ADAMTS16: variants seen among roughly 807,000 people sequenced by gnomAD.
ADAMTS16 encodes the protein A disintegrin and metalloproteinase with thrombospondin motifs 16.
ADAMTS16 carries 94 observed loss-of-function variants against 145.8 expected under a neutral mutation model. The observed-to-expected ratio is 0.64, with a 90% CI of 0.55 to 0.77. ADAMTS16 has a LOEUF of 0.77. ADAMTS16 is among the 30% of genes least tolerant of loss of function. The probability of loss-of-function intolerance (pLI) is 0.00; values close to 1 mark genes in which losing one functional copy is unlikely to be tolerated. For synonymous variants in ADAMTS16, 659 were observed against 604.3 expected, an observed-to-expected ratio of 1.09 and a Z score of -1.33; for missense variants, 1,585 against 1,591.5, an observed-to-expected ratio of 1.00 and a Z score of 0.07.
In ADAMTS16 at chr5:5,317,429, T is replaced by C. The variant is rs560208822; in HGVS notation, c.3412-705T>C. On this transcript the variant is annotated intron_variant, in intron 21 of 22. Transcript: ENST00000274181. The surrounding 1 kb of genome is among the most constrained non-coding windows in gnomAD (Gnocchi z 4.5). ...TTATTTTTGAGATGGAGTTTTGCTC[T>C]TGTTGCCCAGGCTGAAGTGCTGTGG... Among the ~76,000 whole-genome samples the C allele has an allele frequency of 6.6e-6, 1 of 152,270 alleles. No homozygotes were observed. Among genetic ancestry groups the C allele is most frequent in the East Asian group, 1.9e-4 (1 of 5,174 alleles).
In ADAMTS16 at chr5:5,237,063, G is replaced by A; in HGVS notation, c.2118G>A (p.Glu706=). Residue 706 remains glutamate (E), a synonymous_variant, in exon 14 of 23, where the codon GAG becomes GAA. Transcript: ENST00000274181. ...NKVKDGTPCS[E]DSRNVCIDGI... The stretch of plus-strand genomic sequence containing the variant: ...TCAAAGATGGGACTCCATGCTCGGA[G>A]GATAGCCGTAATGTTTGTATAGATG... 1 of 1,614,078 alleles carries A rather than the reference G, an allele frequency of 6.2e-7. No homozygotes were observed. The highest frequency in any genetic ancestry group is 1.1e-5 in the South Asian group (1 of 91,082).
chr5:5,235,624 A>G (rs1179810532), intron 13 of ADAMTS16, among the ~76,000 whole-genome samples: 3 of 152,228 alleles, frequency 2.0e-5, no homozygotes, highest in Non-Finnish European at 4.4e-5. Flanking sequence ...GAAGCATAGT[A>G]TGTTCAGAAA....
rs1734145460 is a variant in ADAMTS16 at position 5,140,858 on chromosome 5, G to A, written c.175+92G>A. On this transcript the variant is annotated intron_variant, in intron 2 of 22. Transcript: ENST00000274181. ...TTTATTAGGTGCTGTGAATGTTCAC[G>A]ACTCTGTGGAACCCTACTTTTAAGA... 1.1e-5 allele frequency: 13 copies of A among 1,219,936 alleles called. No homozygotes were observed. The South Asian group carries it at 1.7e-4, about 16-fold the overall frequency. 75.6% of individuals were successfully genotyped at this position (1,219,936 alleles called of 1,614,324 possible). A position where few individuals can be genotyped will look rare whatever the true frequency, so the allele number is the denominator to read the frequency against.
At chr5:5,267,730 G>T (rs934188035) in intron 18 of ADAMTS16, among the ~76,000 whole-genome samples, 5 of 152,190 alleles carry the variant, frequency 3.3e-5, no homozygotes, top group Non-Finnish European at 7.3e-5. Flanking sequence ...TAGTGGGCCA[G>T]GGTGGTCTTG....
At chr5:5,250,780 G>A (rs928408629) in intron 17 of ADAMTS16, among the ~76,000 whole-genome samples, 2 of 151,240 alleles carry the variant, frequency 1.3e-5, no homozygotes, top group African/African-American at 4.9e-5. Flanking sequence ...TTTTAAAGGG[G>A]CTTCTAAGGT....
rs76788537 is a variant in ADAMTS16 at position 5,314,183 on chromosome 5, G to A, written c.3412-3951G>A. Reference sequence around the variant, plus strand: ...GAAAGTTGCAGGGCAGAAGCTCTAAGCTGGGAGAGAGAGAGCACACCAAGG... The same window carrying A: ...GAAAGTTGCAGGGCAGAAGCTCTAAACTGGGAGAGAGAGAGCACACCAAGG... On this transcript the variant is annotated intron_variant, in intron 21 of 22. Transcript: ENST00000274181. Among the ~76,000 whole-genome samples the A allele has an allele frequency of 5.9e-5, 9 of 152,314 alleles. No homozygotes were observed. The East Asian group carries it at 1.7e-3, about 29-fold the overall frequency.
rs778813188 is a variant in ADAMTS16 at position 5,239,682 on chromosome 5, G to A, written c.2280G>A (p.Gln760=). The A allele has an allele frequency of 6.2e-7, 1 of 1,614,072 alleles. No homozygotes were observed. Among genetic ancestry groups the A allele is most frequent in the East Asian group, 2.2e-5 (1 of 44,870 alleles). Reference sequence around the variant, plus strand: ...ATCTTCCCCATTTCCTTTATCTAGAGTATTATCACATGGTCACCATTCCTT... The same window carrying A: ...ATCTTCCCCATTTCCTTTATCTAGAATATTATCACATGGTCACCATTCCTT... ...GLYTKHHHTN[Q]YYHMVTIPSG... is the part of the protein sequence containing the mutation. The change falls in exon 16 of 23, where the codon CAG becomes CAA. Residue 760 remains glutamine (Q), a splice_region_variant and synonymous_variant. Transcript: ENST00000274181.
chr5:5,281,859 T>C (rs1018498469), intron 18 of ADAMTS16, among the ~76,000 whole-genome samples: 4 of 152,238 alleles, frequency 2.6e-5, no homozygotes, highest in Non-Finnish European at 5.9e-5. Context: ...ATGTGTGTAT[T>C]AGGAAAATAT....
In ADAMTS16 at chr5:5,291,726, G is replaced by A. The variant is rs186809932; in HGVS notation, c.2790-11542G>A. ...CGGGCAGTCAGCCAGCCAGGGTCAT[G>A]GACCAGGGCAAGACTTCACAAAGAA... On this transcript the variant is annotated intron_variant, in intron 18 of 22. Coordinates refer to ENST00000274181, the MANE Select transcript of ADAMTS16 (RefSeq NM_139056.4). Among the ~76,000 whole-genome samples, 3 of 146,084 alleles carry A rather than the reference G, an allele frequency of 2.1e-5. No individual in the cohort carries two copies. The Admixed American group carries it at 2.1e-4, about 10-fold the overall frequency.
At chr5:5,298,422 G>A (rs1214772407) in intron 18 of ADAMTS16, among the ~76,000 whole-genome samples, 7 of 152,158 alleles carry the variant, frequency 4.6e-5, no homozygotes, top group Admixed American at 4.6e-4. Flanking sequence ...CTGGCACCAG[G>A]TGATACTGAT....
chr5:5,267,816 A>T (rs1738300807), intron 18 of ADAMTS16, among the ~76,000 whole-genome samples: 1 of 152,170 alleles, frequency 6.6e-6, no homozygotes, highest in South Asian at 2.1e-4. Context: ...CCGAGAGTGG[A>T]GCCCTCACCA....
chr5:5,158,426 A>G (rs928253797), intron 3 of ADAMTS16, among the ~76,000 whole-genome samples: 4 of 152,162 alleles, frequency 2.6e-5, no homozygotes, highest in Non-Finnish European at 5.9e-5. Flanking sequence ...CTCTGTATCT[A>G]CAGAGGGAGT....
intron 3 of ADAMTS16, among the ~76,000 whole-genome samples, chr5:5,156,132 C>T (rs754038632): frequency 6.6e-5 from 10 of 152,122 alleles, no homozygotes; most frequent in Non-Finnish European, 1.3e-4. Context: ...GAATAGAGAG[C>T]AGGTGGCAAA....
At chr5:5,226,730 G>T (rs950419981) in intron 11 of ADAMTS16, among the ~76,000 whole-genome samples, 1 of 152,154 alleles carries the variant, frequency 6.6e-6, no homozygotes, top group African/African-American at 2.4e-5. Context: ...CTCCACAGTG[G>T]TTGCATAAGG....
intron 10 of ADAMTS16, among the ~76,000 whole-genome samples, chr5:5,218,267 C>T (rs1736492250): frequency 6.6e-6 from 1 of 152,048 alleles, no homozygotes. Context: ...AGAATGGTTG[C>T]ACATATTTAT....
At chr5:5,257,017 A>T (rs1162876838) in intron 17 of ADAMTS16, among the ~76,000 whole-genome samples, 1 of 152,024 alleles carries the variant, frequency 6.6e-6, no homozygotes, top group Non-Finnish European at 1.5e-5. Context: ...TATTACACTT[A>T]AGGAAGTCCG....
At chr5:5,235,212 A>G in intron 13 of ADAMTS16, 26 bp downstream of exon 13, 1 of 1,538,004 alleles carries the variant, frequency 6.5e-7, no homozygotes. Flanking sequence ...CTTTCGGGTA[A>G]TAGCCTCATG....
At chr5:5,264,236 C>T (rs987707814) in intron 18 of ADAMTS16, among the ~76,000 whole-genome samples, 82 of 152,208 alleles carry the variant, frequency 5.4e-4, no homozygotes, top group African/African-American at 1.9e-3. Flanking sequence ...GTTTCAGATT[C>T]TTTTTGGCTT....
chr5:5,146,372 C>A lies in ADAMTS16; in HGVS notation c.418C>A (p.Pro140Thr). The change falls in exon 3 of 23, where the codon CCG (proline) becomes ACG (threonine). Residue 140 changes from proline to threonine, a missense_variant. Coordinates refer to ENST00000274181, the MANE Select transcript of ADAMTS16 (RefSeq NM_139056.4). Reference protein sequence around the residue: ...KTGTKSVQTLPPEDFCFYQGS... With the variant: ...KTGTKSVQTLTPEDFCFYQGS... ...AGGCACTAAGTCTGTGCAGACTTTA[C>A]CGCCAGAGGACTTCTGTTTCTATCA... 1.2e-6 allele frequency: 2 copies of A among 1,614,140 alleles called. No individual in the cohort carries two copies. The highest frequency in any genetic ancestry group is 8.5e-7 in the Non-Finnish European group (1 of 1,180,052).
Sources: gnomAD v4.1 joint callset for allele counts (sites outside exome capture counted in the v4.1 genomes callset) on GRCh38, gnomAD v4.1.1 for gene constraint, Gnocchi (gnomAD v3.1) non-coding constraint, MANE v1.5 for transcripts, NCBI Gene and HGNC (gene_info 2026-07-23, HGNC 2026-07-21) for gene names.